Variants in SLC35D4 observed in about 807,000 individuals in gnomAD.
SLC35D4 encodes the protein UDP-N-acetylglucosamine transporter SLC35D4.
At chr18:23,389,487 T>C in the SLC35D4 span, among the ~76,000 whole-genome samples, 1 of 152,230 alleles carries the variant, frequency 6.6e-6, no homozygotes, top group Non-Finnish European at 1.5e-5. Context: ...TACTCTACAA[T>C]TGACCAGTTG....
chr18:23,317,747 T>C, the SLC35D4 span, among the ~76,000 whole-genome samples: 1 of 142,164 alleles, frequency 7.0e-6, no homozygotes, highest in Non-Finnish European at 1.5e-5. Context: ...GTTTCATTTC[T>C]TTTTTTTTTT....
chr18:23,416,157 G>C, the SLC35D4 span, among the ~76,000 whole-genome samples: 1 of 152,178 alleles, frequency 6.6e-6, no homozygotes. Flanking sequence ...GTTGAAGTGA[G>C]CCGAGATCGT....
the SLC35D4 span, among the ~76,000 whole-genome samples, chr18:23,374,534 G>A: frequency 2.0e-5 from 3 of 147,878 alleles, no homozygotes; most frequent in African/African-American, 5.0e-5. Context: ...TGCCCAGGCT[G>A]GAGTGCAATG....
chr18:23,301,515 A>G, the SLC35D4 span, among the ~76,000 whole-genome samples: 7 of 152,332 alleles, frequency 4.6e-5, no homozygotes, highest in African/African-American at 1.4e-4. Flanking sequence ...AAAGACCCTC[A>G]GTGTTGGTGA....
At chr18:23,387,584 A>T in the SLC35D4 span, among the ~76,000 whole-genome samples, 1 of 152,180 alleles carries the variant, frequency 6.6e-6, no homozygotes, top group Non-Finnish European at 1.5e-5. Flanking sequence ...CTACTTTCAG[A>T]TGAATTTATT....
chr18:23,244,772 G>A, the SLC35D4 span, among the ~76,000 whole-genome samples: 1 of 152,186 alleles, frequency 6.6e-6, no homozygotes, highest in South Asian at 2.1e-4. Flanking sequence ...GCTTGCAGCG[G>A]CTGCATACCT....
At chr18:23,419,203 G>C in the SLC35D4 span, among the ~76,000 whole-genome samples, 2 of 152,172 alleles carry the variant, frequency 1.3e-5, no homozygotes, top group Non-Finnish European at 2.9e-5. Context: ...CAAAGAGTTA[G>C]GAGGATATCT....
chr18:23,428,701 A>T, the SLC35D4 span, among the ~76,000 whole-genome samples: 3 of 146,212 alleles, frequency 2.1e-5, no homozygotes, highest in African/African-American at 7.5e-5. Context: ...TTTTTTTTTT[A>T]AAGATTCAAG....
At chr18:23,390,717 G>C in the SLC35D4 span, among the ~76,000 whole-genome samples, 1 of 152,196 alleles carries the variant, frequency 6.6e-6, no homozygotes, top group African/African-American at 2.4e-5. Flanking sequence ...CTCTACAGAG[G>C]TGTGAACGAC....
chr18:23,344,064 A>C, the SLC35D4 span, among the ~76,000 whole-genome samples: 7 of 151,772 alleles, frequency 4.6e-5, no homozygotes, highest in Admixed American at 2.6e-4. Context: ...ACGCCCAGCT[A>C]ATTTTTGTAT....
the SLC35D4 span, among the ~76,000 whole-genome samples, chr18:23,261,963 T>G: frequency 1.3e-5 from 2 of 152,146 alleles, no homozygotes; most frequent in Admixed American, 1.3e-4. Context: ...GGCCCAAGGA[T>G]CAGCAGCATT....
chr18:23,410,824 C>G, the SLC35D4 span, among the ~76,000 whole-genome samples: 1 of 152,112 alleles, frequency 6.6e-6, no homozygotes, highest in East Asian at 1.9e-4. Context: ...AAGTTCATAA[C>G]TGGGTACCAA....
chr18:23,299,523 G>A, the SLC35D4 span, among the ~76,000 whole-genome samples: 9 of 152,316 alleles, frequency 5.9e-5, no homozygotes, highest in East Asian at 1.3e-3. Flanking sequence ...TGGGGTTGGC[G>A]GGGACTGACT....
At chr18:23,320,567 T>C in the SLC35D4 span, among the ~76,000 whole-genome samples, 15 of 152,346 alleles carry the variant, frequency 9.8e-5, no homozygotes, top group South Asian at 1.4e-3. Context: ...GACATAGGTA[T>C]AGAAGAACTG....
At chr18:23,397,739 A>C in the SLC35D4 span, among the ~76,000 whole-genome samples, 1 of 152,162 alleles carries the variant, frequency 6.6e-6, no homozygotes, top group Non-Finnish European at 1.5e-5. Context: ...AATTCTGAAA[A>C]GGCAAAAGGT....
chr18:23,294,230 A>C, the SLC35D4 span, among the ~76,000 whole-genome samples: 1 of 152,172 alleles, frequency 6.6e-6, no homozygotes, highest in African/African-American at 2.4e-5. Context: ...GCTCTGACTG[A>C]GGTCCAGCAA....
chr18:23,370,656 A>T, the SLC35D4 span, among the ~76,000 whole-genome samples: 3 of 152,226 alleles, frequency 2.0e-5, no homozygotes, highest in African/African-American at 7.2e-5. Flanking sequence ...TTCCCCCAGG[A>T]CTACAGACAA....
the SLC35D4 span, among the ~76,000 whole-genome samples, chr18:23,403,344 T>A: frequency 6.6e-6 from 1 of 152,166 alleles, no homozygotes; most frequent in African/African-American, 2.4e-5. Flanking sequence ...TGCTATACAA[T>A]AAGGGAAACT....
chr18:23,419,633 T>C, the SLC35D4 span, among the ~76,000 whole-genome samples: 1 of 152,152 alleles, frequency 6.6e-6, no homozygotes, highest in African/African-American at 2.4e-5. Context: ...TTTAATAGAA[T>C]CATAACAACT....
Sources: gnomAD v4.1 joint callset for allele counts (sites outside exome capture counted in the v4.1 genomes callset) on GRCh38, gnomAD v4.1.1 for gene constraint, MANE v1.5 for transcripts, NCBI Gene and HGNC (gene_info 2026-07-23, HGNC 2026-07-21) for gene names.